The following ZNF614 variants were observed in gnomAD, a reference collection of about 807,000 sequenced individuals.
The protein encoded by ZNF614 is zinc finger protein 614.
ZNF614 carries 11 observed loss-of-function variants against 12.8 expected under a neutral mutation model. The observed-to-expected ratio is 0.86, with a 90% confidence interval of 0.54 to 1.43. The LOEUF (loss-of-function observed/expected upper bound fraction) is 1.43, where lower values mean the gene tolerates loss of function less well. Ranked by LOEUF, ZNF614 falls within the 40% of genes most tolerant of loss-of-function variation. ZNF614 has a pLI of 0.00. For synonymous variants in ZNF614, 237 were observed against 237.5 expected, an observed-to-expected ratio of 1.00 and a Z score of 0.02; for missense variants, 664 against 708.8, an observed-to-expected ratio of 0.94 and a Z score of 0.72.
chr19:52,025,643 A>G (rs1473497136), intron 2 of ZNF614, 88 bp downstream of exon 2: 10 of 1,440,196 alleles, frequency 6.9e-6, no homozygotes, highest in East Asian at 2.3e-5. Context: ...TCCCTAGAAC[A>G]CAATTATCCC....
chr19:52,018,341 T>C lies in ZNF614; in HGVS notation c.142+27A>G, dbSNP rs760913498. On this transcript the variant is annotated intron_variant, in intron 3 of 4. Transcript: ENST00000270649. ...GGTGTCTGGGCATTGTAGGCACCTC[T>C]AGGTGACACAGGGAAACTATTCTTA... 4 of 1,613,804 alleles carry C rather than the reference T, an allele frequency of 2.5e-6. No individual in the cohort carries two copies. The South Asian group carries it at 3.3e-5, about 13-fold the overall frequency.
intron 1 of ZNF614, among the ~76,000 whole-genome samples, 164 bp downstream of exon 1, chr19:52,028,078 G>C (rs1037404972): frequency 1.3e-5 from 2 of 152,188 alleles, no homozygotes; most frequent in African/African-American, 4.8e-5. Flanking sequence ...AGTCGGACTC[G>C]TCGCTGATTT....
chr19:52,022,954 CCTGT>C (rs2086941298), intron 2 of ZNF614, among the ~76,000 whole-genome samples: 1 of 151,472 alleles, frequency 6.6e-6, no homozygotes, highest in African/African-American at 2.4e-5. Flanking sequence ...GTGGTGGGTG[CCTGT>C]AGTCCCAGCT....
At chr19:52,019,388 T>C (rs762877621) in intron 2 of ZNF614, among the ~76,000 whole-genome samples, 1 of 152,126 alleles carries the variant, frequency 6.6e-6, no homozygotes, top group South Asian at 2.1e-4. Flanking sequence ...AATAGTGTAA[T>C]AGAGAAGCAA....
intron 2 of ZNF614, 49 bp from the exon 3 acceptor site, chr19:52,018,543 T>C (rs769016114): frequency 6.5e-7 from 1 of 1,534,658 alleles, no homozygotes; most frequent in Non-Finnish European, 8.8e-7. Context: ...CTATTGTTAA[T>C]ATAGAAGTAT....
Position 52,015,974 on chromosome 19 carries a change from T to C in ZNF614, c.1624A>G (p.Ser542Gly). 1 of 1,614,242 alleles carries C rather than the reference T, an allele frequency of 6.2e-7. No homozygotes were observed. The highest frequency in any genetic ancestry group is 8.5e-7 in the Non-Finnish European group (1 of 1,180,036). Residue 542 changes from serine (S) to glycine (G), a missense_variant, in exon 5 of 5, where the codon AGT becomes GGT. Physicochemically the swap from Ser to Gly is moderately conservative, Grantham distance 56. Coordinates refer to ENST00000270649, the MANE Select transcript of ZNF614 (RefSeq NM_025040.4). ...THTGERPYGCSDCEKAFSHLS... is the reference protein window; with the variant it reads ...THTGERPYGCGDCEKAFSHLS... ...TGGGAGAAGGCTTTCTCACAATCAC[T>C]GCATCCATACGGCCTCTCTCCTGTA...
chr19:52,023,987 T>A (rs1447896628), intron 2 of ZNF614, among the ~76,000 whole-genome samples: 1 of 152,110 alleles, frequency 6.6e-6, no homozygotes, highest in Non-Finnish European at 1.5e-5. Context: ...AATGAATTAA[T>A]AAATTATGCC....
At chr19:52,023,080 A>C (rs942637628) in intron 2 of ZNF614, among the ~76,000 whole-genome samples, 4 of 145,448 alleles carry the variant, frequency 2.8e-5, no homozygotes, top group Non-Finnish European at 4.5e-5. Flanking sequence ...CGCCATCTCA[A>C]AAAAAAAAAA....
intron 2 of ZNF614, 31 bp from the exon 3 acceptor site, chr19:52,018,525 A>C (rs1257744880): frequency 6.3e-7 from 1 of 1,596,236 alleles, no homozygotes; most frequent in Non-Finnish European, 8.5e-7. Context: ...TCAATATGAT[A>C]TAAACTCCTA....
chr19:52,022,662 C>G (rs898517822), intron 2 of ZNF614, among the ~76,000 whole-genome samples: 4 of 151,692 alleles, frequency 2.6e-5, no homozygotes, highest in Non-Finnish European at 5.9e-5. Flanking sequence ...ACCAGTATTT[C>G]TGACTAACTG....
chr19:52,020,211 C>T (rs2086924978), intron 2 of ZNF614, among the ~76,000 whole-genome samples: 1 of 152,202 alleles, frequency 6.6e-6, no homozygotes, highest in Non-Finnish European at 1.5e-5. Flanking sequence ...ACACAAGCTG[C>T]AAGCTTAAGG....
rs45441795 is a variant in ZNF614 at position 52,015,809 on chromosome 19, C to T, written c.*31G>A. On this transcript the variant is annotated 3_prime_UTR_variant, in exon 5 of 5. Coordinates refer to ENST00000270649, the MANE Select transcript of ZNF614 (RefSeq NM_025040.4). ...GCCACAAAAGGCATTTCCATAGTCA[C>T]GGCACTAGTAGGGTTTTCTTCTGCA... The T allele has an allele frequency of 8.4e-6, 13 of 1,555,968 alleles. No homozygotes were observed. The highest frequency in any genetic ancestry group is 2.5e-5 in the South Asian group (2 of 81,010).
At position 52,013,628 on chromosome 19, in the gene ZNF614, T is replaced by C. The variant is rs1323308510; in HGVS notation, c.*2212A>G. On this transcript the variant is annotated 3_prime_UTR_variant, in exon 5 of 5. Transcript: ENST00000270649. ...ATAAAAACCATTTACAAAAACAATT[T>C]TATTTTTATCATATTCATGAAATGA... is the stretch of plus-strand genomic sequence containing the variant. 1.3e-5 allele frequency: 2 copies of C among 152,172 alleles called. No individual in the cohort carries two copies. Among genetic ancestry groups the C allele is most frequent in the Non-Finnish European group, 2.9e-5 (2 of 68,042 alleles). 9.4% of individuals were successfully genotyped at this position (152,172 alleles called of 1,614,324 possible).
At position 52,018,310 on chromosome 19, in the gene ZNF614, T is replaced by C. The variant is rs895292989; in HGVS notation, c.142+58A>G. On this transcript the variant is annotated intron_variant, in intron 3 of 4. Coordinates refer to ENST00000270649, the MANE Select transcript of ZNF614 (RefSeq NM_025040.4). ...CTGTAAAGCTTTGATTAGGTGAGCATAGGACGGTGTCTGGGCATTGTAGGC... is the reference window on the plus strand; with the variant it reads ...CTGTAAAGCTTTGATTAGGTGAGCACAGGACGGTGTCTGGGCATTGTAGGC... The C allele has an allele frequency of 1.1e-5, 17 of 1,612,242 alleles. No homozygotes were observed. In the African/African-American group the frequency reaches 1.2e-4, roughly 11 times the overall value.
In ZNF614 at chr19:52,016,835, T is replaced by C. The variant is rs1225965925; in HGVS notation, c.763A>G (p.Thr255Ala). 1 of 1,613,830 alleles carries C rather than the reference T, an allele frequency of 6.2e-7. No homozygotes were observed. Among genetic ancestry groups the C allele is most frequent in the East Asian group, 2.2e-5 (1 of 44,878 alleles). Residue 255 changes from threonine (T) to alanine (A), a missense_variant, in exon 5 of 5, where the codon ACA (threonine) becomes GCA (alanine). Transcript: ENST00000270649. ...LFTKHLKTNT[T>A]DKICIPNEYR... ...TCATTGGGTATACAGATTTTGTCTG[T>C]TGTATTAGTTTTCAGATGCTTAGTG... is the stretch of plus-strand genomic sequence containing the variant.
In ZNF614 at chr19:52,015,624, A is replaced by AGT; in HGVS notation, c.*215_*216insAC. ...TCATTGACAGAAAATATGAGGTAAA[A>AGT]GACCACTAAAGGCACTACCTTATTT... On this transcript the variant is annotated 3_prime_UTR_variant, in exon 5 of 5. Transcript: ENST00000270649. 2.1e-6 allele frequency: 1 copy of AGT among 473,490 alleles called. No individual in the cohort carries two copies. Among genetic ancestry groups the AGT allele is most frequent in the South Asian group, 3.8e-5 (1 of 26,246 alleles). 29.3% of individuals were successfully genotyped at this position (473,490 alleles called of 1,614,324 possible).
Position 52,025,862 on chromosome 19 carries a change from T to C in ZNF614, c.-117A>G. ...CAGAAATATTAGTGTCCACTTAAAG[T>C]TGTCCCCAGAAATTATGATATCCAA... On this transcript the variant is annotated 5_prime_UTR_variant, in exon 2 of 5. Coordinates refer to ENST00000270649, the MANE Select transcript of ZNF614 (RefSeq NM_025040.4). 1 of 1,109,746 alleles carries C rather than the reference T, an allele frequency of 9.0e-7. No homozygotes were observed. 68.7% of individuals were successfully genotyped at this position (1,109,746 alleles called of 1,614,324 possible).
rs1223409640 is a variant in ZNF614 at position 52,013,962 on chromosome 19, C to T, written c.*1878G>A. On this transcript the variant is annotated 3_prime_UTR_variant, in exon 5 of 5. Transcript: ENST00000270649. ...ATTGGTTGAAGGATACTAGCAAAGCCTCTAGACTGCTTTTGCAATTTCGAG... is the reference window on the plus strand; with the variant it reads ...ATTGGTTGAAGGATACTAGCAAAGCTTCTAGACTGCTTTTGCAATTTCGAG... 6.6e-6 allele frequency: 1 copy of T among 152,144 alleles called. No individual in the cohort carries two copies. The highest frequency in any genetic ancestry group is 1.5e-5 in the Non-Finnish European group (1 of 68,028). The allele number at this position is 152,144 out of a possible 1,614,324, so 9.4% of individuals were successfully genotyped here. A position where few individuals can be genotyped will look rare whatever the true frequency, so the allele number is the denominator to read the frequency against.
intron 2 of ZNF614, among the ~76,000 whole-genome samples, chr19:52,023,262 G>A (rs981738191): frequency 3.1e-4 from 46 of 150,760 alleles, no homozygotes; most frequent in African/African-American, 1.1e-3. Context: ...TCCACCTCCC[G>A]GGTTCAAGGG....
Sources: allele counts gnomAD v4.1 joint callset (sites outside exome capture counted in the v4.1 genomes callset), GRCh38; gene constraint gnomAD v4.1.1; transcripts MANE v1.5; gene names NCBI Gene and HGNC (gene_info 2026-07-23, HGNC 2026-07-21).